Variants in ESR1 observed in about 807,000 individuals in gnomAD.
ESR1 encodes estrogen receptor 1, also known as estrogen receptor.
In ESR1, 12 loss-of-function variants were observed where a neutral mutation model predicts 52.7. The ratio of observed to expected loss-of-function variants is 0.23; its 90% CI spans 0.15 to 0.37. The LOEUF is 0.37. ESR1 is among the 10% of genes least tolerant of loss of function. The pLI, the probability that ESR1 is intolerant of heterozygous loss-of-function variation, is 1.00. For missense variants in ESR1, 584 were observed against 779.7 expected (o/e 0.75, Z 2.99); for synonymous variants, 305 against 316.8 (o/e 0.96, Z 0.39).
intron 4 of ESR1, among the ~76,000 whole-genome samples, chr6:151,969,118 G>T (rs993558125): frequency 4.6e-5 from 7 of 151,938 alleles, no homozygotes; most frequent in Middle Eastern, 3.2e-3. Flanking sequence ...GTTGCTCCAG[G>T]GTGCTTTGCA....
At chr6:151,787,930 C>T (rs1401635927) in intron 2 of ESR1, among the ~76,000 whole-genome samples, 1 of 152,054 alleles carries the variant, frequency 6.6e-6, no homozygotes, top group Non-Finnish European at 1.5e-5. Context: ...TAACTGGACC[C>T]CTTCCTTACA....
At chr6:151,677,754 T>A (rs966835173) in intron 1 of ESR1, among the ~76,000 whole-genome samples, 1 of 152,230 alleles carries the variant, frequency 6.6e-6, no homozygotes, top group Non-Finnish European at 1.5e-5. Flanking sequence ...TTTTCCTGTT[T>A]ACCCCTTTGC....
At chr6:151,712,035 G>GGGAT (rs1295831326) in intron 2 of ESR1, among the ~76,000 whole-genome samples, 18 of 152,142 alleles carry the variant, frequency 1.2e-4, no homozygotes, top group African/African-American at 3.9e-4. Context: ...GTGTAAGGAA[G>GGGAT]GGATCCAGTT....
At chr6:151,676,901 T>G (rs1310027921) in intron 1 of ESR1, among the ~76,000 whole-genome samples, 2 of 152,176 alleles carry the variant, frequency 1.3e-5, no homozygotes, top group East Asian at 3.9e-4. Flanking sequence ...GAGAGCTAAC[T>G]ATAACATGTT....
intron 2 of ESR1, among the ~76,000 whole-genome samples, chr6:151,730,504 T>G (rs1297034244): frequency 6.6e-6 from 1 of 152,200 alleles, no homozygotes; most frequent in Non-Finnish European, 1.5e-5. Flanking sequence ...GCTGGTGCCA[T>G]GGCCAAAACC....
At chr6:151,707,446 T>C (rs1780267493) in intron 2 of ESR1, among the ~76,000 whole-genome samples, 1 of 151,990 alleles carries the variant, frequency 6.6e-6, no homozygotes, top group Non-Finnish European at 1.5e-5. Flanking sequence ...AATTTCCGTT[T>C]GTAATATGTA....
chr6:151,999,725 C>T (rs971217098), intron 4 of ESR1, among the ~76,000 whole-genome samples: 45 of 152,116 alleles, frequency 3.0e-4, no homozygotes. Flanking sequence ...AGCCTTTGAT[C>T]ATCTGGGAAG....
chr6:151,659,973 A>G (rs1252860104), intron 1 of ESR1, among the ~76,000 whole-genome samples: 1 of 152,202 alleles, frequency 6.6e-6, no homozygotes. Context: ...ATATGGTAAA[A>G]AGAACACAGG....
At chr6:151,898,923 C>T (rs896650531) in intron 3 of ESR1, among the ~76,000 whole-genome samples, 4 of 152,180 alleles carry the variant, frequency 2.6e-5, no homozygotes, top group African/African-American at 9.6e-5. Context: ...GGCACACCTC[C>T]CAGACGGGGT....
At chr6:151,835,731 G>A (rs1433664136) in intron 1 of ESR1, among the ~76,000 whole-genome samples, 1 of 152,158 alleles carries the variant, frequency 6.6e-6, no homozygotes, top group Non-Finnish European at 1.5e-5. Context: ...TGCTTAGGAA[G>A]CTACAAAGAG....
At chr6:151,960,215 A>C (rs989288043) in intron 4 of ESR1, among the ~76,000 whole-genome samples, 1 of 152,242 alleles carries the variant, frequency 6.6e-6, no homozygotes, top group Non-Finnish European at 1.5e-5. Context: ...CTATGAGCCC[A>C]GCAGTGTTCT....
intron 5 of ESR1, among the ~76,000 whole-genome samples, chr6:152,016,456 T>C (rs1040294224): frequency 6.6e-6 from 1 of 152,294 alleles, no homozygotes; most frequent in Admixed American, 6.5e-5. Flanking sequence ...ATTATTAAAT[T>C]TCAATATTAT....
rs117638902 is a variant in ESR1 at position 151,982,818 on chromosome 6, C to T, written c.1097-28838C>T. Among the ~76,000 whole-genome samples the T allele has an allele frequency of 4.8e-3, 725 of 152,134 alleles. 1 individual carries two copies. The highest frequency in any genetic ancestry group is 5.6e-3 in the Non-Finnish European group (384 of 68,010). ...AATATATTATTAGTCAACTATTTTGCATTCTTTGTTTTGTACCATCTTTGA... is the reference window on the plus strand; with the variant it reads ...AATATATTATTAGTCAACTATTTTGTATTCTTTGTTTTGTACCATCTTTGA... On this transcript the variant is annotated intron_variant, in intron 4 of 7. Coordinates refer to ENST00000206249, the MANE Select transcript of ESR1 (RefSeq NM_000125.4).
intron 2 of ESR1, among the ~76,000 whole-genome samples, chr6:151,759,581 T>G (rs1657404826): frequency 6.6e-6 from 1 of 152,156 alleles, no homozygotes; most frequent in Non-Finnish European, 1.5e-5. Flanking sequence ...ATTTAAGGTG[T>G]TCAAATAATT....
chr6:152,000,806 C>G (rs183953401), intron 4 of ESR1, among the ~76,000 whole-genome samples: 1 of 151,882 alleles, frequency 6.6e-6, no homozygotes, highest in Non-Finnish European at 1.5e-5. Context: ...TTTTTAGTAA[C>G]CCCAATCCAA....
chr6:152,110,047 A>G (rs76601765), intron 6 of ESR1, among the ~76,000 whole-genome samples: 3,088 of 152,340 alleles, frequency 0.02, 116 homozygotes, highest in African/African-American at 0.071. Flanking sequence ...CACAGCTACC[A>G]TATAAGGATA....
At chr6:151,973,864 CT>C (rs2039161844) in intron 4 of ESR1, among the ~76,000 whole-genome samples, 1 of 152,168 alleles carries the variant, frequency 6.6e-6, no homozygotes, top group African/African-American at 2.4e-5. Context: ...CTTCGTGCTC[CT>C]GTTATTCTTG....
upstream of ESR1, among the ~76,000 whole-genome samples, chr6:151,802,428 C>G (rs1270328979): frequency 6.6e-6 from 1 of 152,164 alleles, no homozygotes; most frequent in African/African-American, 2.4e-5. Context: ...GTAGTATAAG[C>G]TATTACGGAG....
At chr6:151,749,570 C>A (rs796202580) in intron 2 of ESR1, among the ~76,000 whole-genome samples, 1 of 152,174 alleles carries the variant, frequency 6.6e-6, no homozygotes, top group African/African-American at 2.4e-5. Context: ...CTCCCCATAG[C>A]CATTTCCTCT....
Sources: gnomAD v4.1 joint callset for allele counts (sites outside exome capture counted in the v4.1 genomes callset) on GRCh38, gnomAD v4.1.1 for gene constraint, MANE v1.5 for transcripts, NCBI Gene and HGNC (gene_info 2026-07-23, HGNC 2026-07-21) for gene names.